Variants in KLF8 observed in about 807,000 individuals in gnomAD.
The protein encoded by KLF8 is Krueppel-like factor 8.
In KLF8, 10 loss-of-function variants were observed where a neutral mutation model predicts 18.2. The ratio of observed to expected loss-of-function variants is 0.55; its 90% CI spans 0.34 to 0.93. The LOEUF (loss-of-function observed/expected upper bound fraction) is 0.93, where lower values mean the gene tolerates loss of function less well. Among genes scored for constraint, KLF8 ranks in the 40% least tolerant of loss-of-function variants. The pLI is 0.02. For synonymous variants in KLF8, 109 were observed against 97.3 expected (o/e 1.12, Z -0.71); for missense variants, 264 against 277.9 (o/e 0.95, Z 0.36).
chrX:56,153,391 G>A, the KLF8 span, among the ~76,000 whole-genome samples: 1 of 110,667 alleles, frequency 9.0e-6, no homozygotes, highest in Admixed American at 9.7e-5. Flanking sequence ...TTACTTTTCA[G>A]CAGATCTCTT....
the KLF8 span, among the ~76,000 whole-genome samples, chrX:56,148,277 A>G: frequency 9.0e-6 from 1 of 111,364 alleles, no homozygotes; most frequent in African/African-American, 3.3e-5. Context: ...TTAGGCCCTA[A>G]TTCTTCCAAT....
At chrX:56,268,713 C>T in intron 3 of KLF8, 1 of 780,764 alleles carries the variant, frequency 1.3e-6, no homozygotes, top group Non-Finnish European at 1.5e-6. Flanking sequence ...CAAGTTTCTT[C>T]TCTATAGAAA....
the KLF8 span, among the ~76,000 whole-genome samples, chrX:56,157,406 G>T: frequency 6.3e-5 from 7 of 110,436 alleles, no homozygotes; most frequent in African/African-American, 2.0e-4. Flanking sequence ...TAAAAAAAAA[G>T]ATATGGGATG....
At chrX:56,242,966 C>G (rs1480988646) in intron 1 of KLF8, 2 of 468,307 alleles carry the variant, frequency 4.3e-6, no homozygotes, top group African/African-American at 4.8e-5. Flanking sequence ...TTGGCAACAT[C>G]CAAAGCATTG....
At chrX:56,114,994 T>C in the KLF8 span, among the ~76,000 whole-genome samples, 1 of 112,783 alleles carries the variant, frequency 8.9e-6, no homozygotes, top group African/African-American at 3.2e-5. Context: ...CAACTCTTTG[T>C]TTCTTGTCAA....
chrX:56,095,641 G>A, the KLF8 span, among the ~76,000 whole-genome samples: 2 of 111,062 alleles, frequency 1.8e-5, no homozygotes, highest in Admixed American at 9.6e-5. Context: ...AAAATGGGAA[G>A]GGATATGAAC....
At chrX:56,161,851 T>A in the KLF8 span, among the ~76,000 whole-genome samples, 1 of 111,629 alleles carries the variant, frequency 9.0e-6, no homozygotes. Flanking sequence ...GCACTCTGAT[T>A]TTTAGAGTTT....
chrX:56,123,697 A>G, the KLF8 span, among the ~76,000 whole-genome samples: 1 of 112,246 alleles, frequency 8.9e-6, no homozygotes, highest in Non-Finnish European at 1.9e-5. Context: ...TCTGAAATCT[A>G]CCTAACTCTA....
chrX:56,078,990 C>T, the KLF8 span, among the ~76,000 whole-genome samples: 1 of 77,320 alleles, frequency 1.3e-5, no homozygotes, highest in Non-Finnish European at 3.6e-5. Context: ...ATGGTGATAT[C>T]CCCTTTATCA....
the KLF8 span, among the ~76,000 whole-genome samples, chrX:56,105,809 G>A: frequency 1.3e-4 from 15 of 111,718 alleles, no homozygotes; most frequent in African/African-American, 4.6e-4. Flanking sequence ...TTTCTTCATA[G>A]CATCAATGGT....
intron 2 of KLF8, among the ~76,000 whole-genome samples, chrX:56,256,245 G>A (rs1281010826): frequency 4.5e-5 from 5 of 111,021 alleles, no homozygotes; most frequent in South Asian, 7.6e-4. Context: ...TTTCATTTCT[G>A]ATATTATTTA....
chrX:55,975,880 C>T, the KLF8 span, among the ~76,000 whole-genome samples: 10 of 111,688 alleles, frequency 9.0e-5, no homozygotes, highest in South Asian at 3.7e-4. Flanking sequence ...GAGGCTGAGG[C>T]GGGCGGATCA....
At chrX:56,096,643 G>T in the KLF8 span, among the ~76,000 whole-genome samples, 25 of 111,091 alleles carry the variant, frequency 2.3e-4, no homozygotes, top group African/African-American at 7.8e-4. Context: ...ATTCAAAGAA[G>T]CAGAACAAAT....
chrX:55,959,688 CAGAATAAAAAA>C, the KLF8 span, among the ~76,000 whole-genome samples: 139 of 110,821 alleles, frequency 1.3e-3, 1 homozygote, highest in Middle Eastern at 4.6e-3. Flanking sequence ...TCAATGCAGT[CAGAATAAAAAA>C]AGAATAAAAA....
At chrX:56,167,933 TA>T in the KLF8 span, among the ~76,000 whole-genome samples, 1 of 111,833 alleles carries the variant, frequency 8.9e-6, no homozygotes, top group East Asian at 2.8e-4. Flanking sequence ...CATATTCAGA[TA>T]TTTTTAATGC....
At chrX:56,003,443 TA>T in the KLF8 span, among the ~76,000 whole-genome samples, 1 of 109,070 alleles carries the variant, frequency 9.2e-6, no homozygotes, top group Non-Finnish European at 1.9e-5. Context: ...AATAAATAAA[TA>T]AATAAAAGTC....
chrX:56,187,216 A>G, the KLF8 span, among the ~76,000 whole-genome samples: 3 of 111,993 alleles, frequency 2.7e-5, no homozygotes, highest in African/African-American at 9.7e-5. Flanking sequence ...ACAGAAATAC[A>G]AACTACCATC....
chrX:55,953,262 A>C, the KLF8 span, among the ~76,000 whole-genome samples: 2 of 111,353 alleles, frequency 1.8e-5, no homozygotes, highest in African/African-American at 6.5e-5. Flanking sequence ...AGGCAAATTA[A>C]AGCCGGGTAC....
chrX:56,045,101 G>A, the KLF8 span, among the ~76,000 whole-genome samples: 138 of 111,626 alleles, frequency 1.2e-3, no homozygotes, highest in African/African-American at 4.2e-3. Flanking sequence ...ATCCAGTTTC[G>A]TTCATCTACG....
Sources: gnomAD v4.1 joint callset for allele counts (sites outside exome capture counted in the v4.1 genomes callset) on GRCh38, gnomAD v4.1.1 for gene constraint, MANE v1.5 for transcripts, NCBI Gene and HGNC (gene_info 2026-07-23, HGNC 2026-07-21) for gene names.